Variants in MERTK observed in about 807,000 individuals in gnomAD.
The protein encoded by MERTK is MER proto-oncogene, tyrosine kinase.
A neutral mutation model predicts 99.3 loss-of-function variants in MERTK; 69 were observed. The ratio of observed to expected loss-of-function variants is 0.70; its 90% confidence interval spans 0.57 to 0.85. The LOEUF (loss-of-function observed/expected upper bound fraction) is 0.85. MERTK is among the 40% of genes least tolerant of loss of function. The pLI, the probability that MERTK is intolerant of heterozygous loss-of-function variation, is 0.00. For missense variants in MERTK, 1,125 were observed against 1,249.4 expected, an observed-to-expected ratio of 0.90 and a Z score of 1.50; for synonymous variants, 426 against 467.6, an observed-to-expected ratio of 0.91 and a Z score of 1.15.
chr2:112,020,974 A>G (rs1677330678), intron 16 of MERTK, among the ~76,000 whole-genome samples: 1 of 151,154 alleles, frequency 6.6e-6, no homozygotes, highest in Non-Finnish European at 1.5e-5. Context: ...CGGGCAGATC[A>G]CTTGAGATCA....
chr2:111,970,346 G>A (rs879580632), intron 6 of MERTK, among the ~76,000 whole-genome samples: 26 of 151,356 alleles, frequency 1.7e-4, no homozygotes, highest in Admixed American at 3.9e-4. Flanking sequence ...TACTAGACAT[G>A]GGGTTTCACC....
At chr2:112,014,083 G>A (rs1380815728) in intron 15 of MERTK, among the ~76,000 whole-genome samples, 2 of 148,794 alleles carry the variant, frequency 1.3e-5, no homozygotes, top group East Asian at 2.0e-4. Flanking sequence ...GTGCAGTGGC[G>A]TGATCTCAGC....
intron 1 of MERTK, among the ~76,000 whole-genome samples, chr2:111,902,114 A>G (rs1307749413): frequency 2.6e-5 from 4 of 151,888 alleles, no homozygotes; most frequent in African/African-American, 4.8e-5. Context: ...CGAACTCCCA[A>G]CCTCAGGTGA....
rs181798692 is a variant in MERTK at position 112,008,236 on chromosome 2, G to A, written c.1868-147G>A. 781 of 697,788 alleles carry A rather than the reference G, an allele frequency of 1.1e-3. 3 individuals carry two copies. The highest frequency in any genetic ancestry group is 1.8e-3 in the Middle Eastern group (5 of 2,744). 43.2% of individuals were successfully genotyped at this position (697,788 alleles called of 1,614,324 possible). ...TCTCTTATCTCCCCTAGCCCTACTA[G>A]CCCCTGACAACCACTCATCTGTTTC... On this transcript the variant is annotated intron_variant, in intron 13 of 18. Transcript: ENST00000295408.
chr2:111,952,179 G>T (rs12470338), intron 4 of MERTK: 36,428 of 152,944 alleles, frequency 0.24, 4,669 homozygotes, highest in South Asian at 0.32. Flanking sequence ...TGGTAGAGAA[G>T]ACTTGGGCTC....
intron 1 of MERTK, among the ~76,000 whole-genome samples, chr2:111,904,481 A>G (rs1238759640): frequency 1.3e-5 from 2 of 151,848 alleles, no homozygotes; most frequent in South Asian, 2.1e-4. Flanking sequence ...GCTTCAAGCA[A>G]TTCTCTGCCT....
In MERTK at chr2:112,021,493, A is replaced by G. The variant is rs977105902; in HGVS notation, c.2261A>G (p.Tyr754Cys). 1.2e-6 allele frequency: 2 copies of G among 1,613,812 alleles called. No homozygotes were observed. Among genetic ancestry groups the G allele is most frequent in the African/African-American group, 1.3e-5 (1 of 74,896 alleles). The change falls in exon 17 of 19, where the codon TAC becomes TGC. Residue 754 changes from tyrosine (Y) to cysteine (C), a missense_variant. Tyr to Cys is a radical substitution (Grantham distance 194). Transcript: ENST00000295408. ...AAGAAGATTTACAGTGGCGATTATT[A>G]CCGCCAAGGCCGCATTGCTAAGATG... ...LSKKIYSGDYYRQGRIAKMPV... is the reference protein window; with the variant it reads ...LSKKIYSGDYCRQGRIAKMPV...
chr2:112,019,853 C>T (rs1167443593), intron 16 of MERTK, among the ~76,000 whole-genome samples: 1 of 152,128 alleles, frequency 6.6e-6, no homozygotes, highest in Non-Finnish European at 1.5e-5. Context: ...TACGTCAGCT[C>T]CTCTTAAAGA....
intron 1 of MERTK, among the ~76,000 whole-genome samples, chr2:111,910,642 A>G (rs1236599835): frequency 6.6e-6 from 1 of 151,510 alleles, no homozygotes; most frequent in East Asian, 1.9e-4. Flanking sequence ...ATGGAATACT[A>G]TTAAATATTT....
chr2:111,983,174 T>A (rs1489991613), intron 8 of MERTK, among the ~76,000 whole-genome samples, 181 bp downstream of exon 8: 1 of 152,208 alleles, frequency 6.6e-6, no homozygotes, highest in African/African-American at 2.4e-5. Context: ...AGTTACAAAA[T>A]TCTAAGGTAT....
chr2:112,017,933 G>A (rs553352254), intron 15 of MERTK, among the ~76,000 whole-genome samples: 31 of 152,230 alleles, frequency 2.0e-4, no homozygotes, highest in Non-Finnish European at 3.5e-4. Flanking sequence ...GACTTTCAAC[G>A]GAGATACAGG....
intron 7 of MERTK, among the ~76,000 whole-genome samples, chr2:111,980,609 G>A (rs1408784705): frequency 2.6e-5 from 4 of 151,864 alleles, no homozygotes; most frequent in African/African-American, 4.8e-5. Flanking sequence ...TAGTAGAGAC[G>A]GGGTTTCACC....
chr2:111,950,939 C>T (rs1685043365), intron 4 of MERTK, among the ~76,000 whole-genome samples: 1 of 152,048 alleles, frequency 6.6e-6, no homozygotes, highest in African/African-American at 2.4e-5. Flanking sequence ...TCTTTAATTT[C>T]TCTCAGCAAT....
At chr2:111,914,106 T>C (rs1390379935) in intron 1 of MERTK, among the ~76,000 whole-genome samples, 3 of 133,980 alleles carry the variant, frequency 2.2e-5, no homozygotes, top group African/African-American at 8.5e-5. Context: ...TCTTTCTTTT[T>C]TTTTTTTTTT....
intron 8 of MERTK, among the ~76,000 whole-genome samples, chr2:111,989,004 T>G (rs949275360): frequency 1.3e-5 from 2 of 152,088 alleles, no homozygotes; most frequent in African/African-American, 4.8e-5. Context: ...AAACTAAAGC[T>G]CAGAGATGCT....
chr2:111,951,023 T>C (rs1685045075), intron 4 of MERTK, among the ~76,000 whole-genome samples: 1 of 152,118 alleles, frequency 6.6e-6, no homozygotes, highest in African/African-American at 2.4e-5. Flanking sequence ...TGGAATTGTA[T>C]GTACTTAAGG....
At chr2:111,996,209 AAC>A (rs1676735432) in intron 9 of MERTK, 1 of 154,300 alleles carries the variant, frequency 6.5e-6, no homozygotes, top group Non-Finnish European at 1.5e-5. Flanking sequence ...ACAGTTAAAT[AAC>A]ACCCATTCCC....
At chr2:111,917,949 T>C (rs1363460493) in intron 1 of MERTK, among the ~76,000 whole-genome samples, 1 of 151,994 alleles carries the variant, frequency 6.6e-6, no homozygotes, top group East Asian at 1.9e-4. Context: ...TTTGTAAGTG[T>C]AGAGCTCAGT....
chr2:111,998,039 G>A (rs947895399), intron 10 of MERTK, among the ~76,000 whole-genome samples: 3 of 152,186 alleles, frequency 2.0e-5, no homozygotes, highest in Non-Finnish European at 2.9e-5. Context: ...CTATACTTTG[G>A]AGGGGGCTGA....
Sources: allele counts gnomAD v4.1 joint callset (sites outside exome capture counted in the v4.1 genomes callset), GRCh38; gene constraint gnomAD v4.1.1; transcripts MANE v1.5; gene names NCBI Gene and HGNC (gene_info 2026-07-23, HGNC 2026-07-21).